CCDC138: variants seen among roughly 807,000 people sequenced by gnomAD.
CCDC138 encodes coiled-coil domain-containing protein 138.
CCDC138 carries 66 observed loss-of-function variants against 82.3 expected under a neutral mutation model. That is an observed-to-expected ratio of 0.80 (90% CI 0.66 to 0.98). CCDC138 has a LOEUF of 0.98. CCDC138 is among the 50% of genes least tolerant of loss of function. The pLI is 0.00. For synonymous variants in CCDC138, 297 were observed against 265.4 expected (o/e 1.12, Z -1.16); for missense variants, 816 against 758.9 (o/e 1.08, Z -0.88).
intron 13 of CCDC138, among the ~76,000 whole-genome samples, chr2:108,861,841 C>T (rs1221338283): frequency 2.6e-5 from 4 of 152,102 alleles, no homozygotes; most frequent in African/African-American, 9.7e-5. Context: ...CCAGCCTAAA[C>T]TTTCTTCTTA....
intron 3 of CCDC138, among the ~76,000 whole-genome samples, chr2:108,789,422 G>A (rs1348636817): frequency 1.3e-5 from 2 of 152,054 alleles, no homozygotes; most frequent in African/African-American, 4.8e-5. Context: ...GTGAAATCCC[G>A]TTTCTACTAA....
chr2:108,812,942 T>C lies in CCDC138; in HGVS notation c.1041+15T>C, dbSNP rs1241843080. 2 of 1,609,574 alleles carry C rather than the reference T, an allele frequency of 1.2e-6. No homozygotes were observed. The highest frequency in any genetic ancestry group is 1.7e-5 in the Admixed American group (1 of 59,708). On this transcript the variant is annotated intron_variant, in intron 9 of 14. Coordinates refer to ENST00000295124, the MANE Select transcript of CCDC138 (RefSeq NM_144978.3). ...AAACTTACAAGGTAAGTTTGAATTA[T>C]GATTTGATATGATTGAAAATTTCTC...
Position 108,798,534 on chromosome 2 carries a change from A to C in CCDC138, c.683A>C (p.Lys228Thr), listed in dbSNP as rs368040728. The C allele has an allele frequency of 1.9e-6, 3 of 1,613,778 alleles. No homozygotes were observed. The African/African-American group carries it at 4.0e-5, about 22-fold the overall frequency. ...TTCAGACATGAAAATGCCTTGAGTA[A>C]AATTAAAGGTGTTGAAGAAGAGGTT... ...LLFRHENALSKIKGVEEEVLT... is the reference protein window; with the variant it reads ...LLFRHENALSTIKGVEEEVLT... Residue 228 changes from lysine to threonine, a missense_variant, in exon 6 of 15, where the codon AAA becomes ACA. Physicochemically the swap from Lys to Thr is moderately conservative, Grantham distance 78. Coordinates refer to ENST00000295124, the MANE Select transcript of CCDC138 (RefSeq NM_144978.3).
chr2:108,875,320 A>AAT (rs1491206918), intron 14 of CCDC138, among the ~76,000 whole-genome samples: 3 of 4,838 alleles, frequency 6.2e-4, no homozygotes, highest in Non-Finnish European at 2.1e-3. Context: ...AAAGTATAAT[A>AAT]AAAAAAAAAA....
At chr2:108,884,981 A>C (rs1374607215) in intron 2 of CCDC138, 1 of 152,236 alleles carries the variant, frequency 6.6e-6, no homozygotes, top group Non-Finnish European at 1.5e-5. Context: ...AGTTACATCA[A>C]AATTTCTTCC....
At chr2:108,839,373 T>G in intron 11 of CCDC138, 72 bp downstream of exon 11, 3 of 1,276,244 alleles carry the variant, frequency 2.4e-6, no homozygotes, top group Non-Finnish European at 3.3e-6. Flanking sequence ...TGTTTCACAA[T>G]ATCTGTTTTG....
At chr2:108,883,141 A>G (rs1161851834) in intron 2 of CCDC138, 1 of 149,394 alleles carries the variant, frequency 6.7e-6, no homozygotes, top group African/African-American at 2.5e-5. Flanking sequence ...TGTGTAGAGG[A>G]AGGTGTGATA....
At chr2:108,833,225 ATC>A (rs1687995150) in intron 10 of CCDC138, among the ~76,000 whole-genome samples, 2 of 152,230 alleles carry the variant, frequency 1.3e-5, no homozygotes, top group Admixed American at 1.3e-4. Context: ...AACAGAGTGA[ATC>A]CTAATGTAAA....
chr2:108,805,674 C>T (rs1423180514), intron 7 of CCDC138, among the ~76,000 whole-genome samples: 1 of 152,008 alleles, frequency 6.6e-6, no homozygotes, highest in Non-Finnish European at 1.5e-5. Context: ...TTGCAGTGAG[C>T]CGAGATTGTG....
Position 108,815,941 on chromosome 2 carries a change from G to A in CCDC138, c.1042G>A (p.Val348Ile). 1 of 1,602,954 alleles carries A rather than the reference G, an allele frequency of 6.2e-7. No individual in the cohort carries two copies. Among genetic ancestry groups the A allele is most frequent in the Non-Finnish European group, 8.5e-7 (1 of 1,176,194 alleles). Residue 348 changes from valine to isoleucine, a missense_variant and splice_region_variant, in exon 10 of 15, where the codon GTA becomes ATA. Val to Ile is a conservative substitution (Grantham distance 29, BLOSUM62 3). Coordinates refer to ENST00000295124, the MANE Select transcript of CCDC138 (RefSeq NM_144978.3). ...EKAPVSKTYK[V>I]PLNGQVYELL... ...AAATGATTTAATTTTTGACATATAG[G>A]TACCACTTAATGGGCAAGTTTATGA... is the stretch of plus-strand genomic sequence containing the variant.
chr2:108,873,366 C>A, intron 13 of CCDC138, 85 bp from the exon 14 acceptor site: 2 of 1,143,190 alleles, frequency 1.7e-6, no homozygotes, highest in Admixed American at 2.9e-5. Flanking sequence ...TTTATAAATG[C>A]CTCACATAGT....
At chr2:108,839,807 A>G (rs1205123413) in intron 11 of CCDC138, among the ~76,000 whole-genome samples, 1 of 151,994 alleles carries the variant, frequency 6.6e-6, no homozygotes, top group Non-Finnish European at 1.5e-5. Context: ...GTTATCTGCA[A>G]ATGAAAACAG....
At chr2:108,868,411 T>C (rs1255701227) in intron 13 of CCDC138, among the ~76,000 whole-genome samples, 1 of 152,214 alleles carries the variant, frequency 6.6e-6, no homozygotes, top group East Asian at 1.9e-4. Flanking sequence ...ATGTAAAATA[T>C]TGTGACTCAA....
At chr2:108,789,248 C>G (rs76653570) in intron 3 of CCDC138, among the ~76,000 whole-genome samples, 2,010 of 152,220 alleles carry the variant, frequency 0.013, 47 homozygotes, top group African/African-American at 0.046. Flanking sequence ...GTTATTCATT[C>G]AGGACCCAAA....
chr2:108,864,598 G>A (rs4676211), intron 13 of CCDC138, among the ~76,000 whole-genome samples: 2,092 of 152,186 alleles, frequency 0.014, 44 homozygotes, highest in African/African-American at 0.048. Context: ...GAGATCGAGA[G>A]CAGCCTGGCT....
intron 4 of CCDC138, among the ~76,000 whole-genome samples, chr2:108,793,697 C>G (rs1558967343): frequency 6.6e-6 from 1 of 151,574 alleles, no homozygotes. Flanking sequence ...CCCGGATTCA[C>G]GCCACTCTCC....
intron 9 of CCDC138, among the ~76,000 whole-genome samples, chr2:108,815,083 T>A (rs894979630): frequency 6.6e-6 from 1 of 152,206 alleles, no homozygotes; most frequent in Non-Finnish European, 1.5e-5. Context: ...TACTTTGTTA[T>A]TTTACTTTTC....
chr2:108,852,848 C>G (rs530970907), intron 12 of CCDC138, among the ~76,000 whole-genome samples: 1 of 152,206 alleles, frequency 6.6e-6, no homozygotes, highest in South Asian at 2.1e-4. Context: ...TCCTATGACA[C>G]AAGTGTACCT....
At position 108,825,411 on chromosome 2, in the gene CCDC138, A is replaced by G. The variant is rs1167218982; in HGVS notation, c.1206+9306A>G. On this transcript the variant is annotated intron_variant, in intron 10 of 14. Transcript: ENST00000295124. ...CAACCATCGCCTTAATCAGTTTTAG[A>G]ACATTTTATCTCCTCTCTCCAAAAA... Among the ~76,000 whole-genome samples, 5 of 151,644 alleles carry G rather than the reference A, an allele frequency of 3.3e-5. No individual in the cohort carries two copies. The East Asian group carries it at 7.7e-4, about 23-fold the overall frequency.
Sources: gnomAD v4.1 joint callset for allele counts (sites outside exome capture counted in the v4.1 genomes callset) on GRCh38, gnomAD v4.1.1 for gene constraint, MANE v1.5 for transcripts, NCBI Gene and HGNC (gene_info 2026-07-23, HGNC 2026-07-21) for gene names.